SH3BP2: variants seen among roughly 807,000 people sequenced by gnomAD.
SH3BP2 encodes SH3 domain binding protein 2.
A neutral mutation model predicts 56.2 loss-of-function variants in SH3BP2; 38 were observed. The observed-to-expected ratio is 0.68, with a 90% CI of 0.52 to 0.89. SH3BP2 has a LOEUF of 0.89. Among genes scored for constraint, SH3BP2 ranks in the 40% least tolerant of loss-of-function variants. The pLI is 0.00. For missense variants in SH3BP2, 748 were observed against 762.6 expected (o/e 0.98, Z 0.23); for synonymous variants, 346 against 316.7 (o/e 1.09, Z -0.98).
In SH3BP2 at chr4:2,839,830, C is replaced by T. The variant is rs570387883; in HGVS notation, c.*5996C>T. 1.2e-4 allele frequency: 18 copies of T among 151,918 alleles called. No individual in the cohort carries two copies. Among genetic ancestry groups the T allele is most frequent in the African/African-American group, 4.3e-4 (18 of 41,392 alleles). The allele number at this position is 151,918 out of a possible 1,614,324, so 9.4% of individuals were successfully genotyped here. A position where few individuals can be genotyped will look rare whatever the true frequency, so the allele number is the denominator to read the frequency against. ...CCTCCCATCTTGACCTCCCAAAGTG[C>T]TGGGAGTACAGGCATGAGCCACTGT... On this transcript the variant is annotated 3_prime_UTR_variant, in exon 13 of 13. Coordinates refer to ENST00000503393, the MANE Select transcript of SH3BP2 (RefSeq NM_001122681.2).
chr4:2,798,649 G>C (rs1232421069), intron 1 of SH3BP2: 1 of 152,560 alleles, frequency 6.6e-6, no homozygotes, highest in Non-Finnish European at 1.5e-5. Flanking sequence ...TGGGCAGATA[G>C]TGCTGGGGCC....
intron 1 of SH3BP2, among the ~76,000 whole-genome samples, chr4:2,803,564 G>C (rs1334189958): frequency 1.3e-5 from 2 of 152,220 alleles, no homozygotes; most frequent in African/African-American, 4.8e-5. Context: ...AGGGACCAAG[G>C]CTGGGACTGG....
chr4:2,830,518 C>T (rs111420475), intron 8 of SH3BP2, among the ~76,000 whole-genome samples: 6,715 of 152,276 alleles, frequency 0.044, 161 homozygotes, highest in Non-Finnish European at 0.05. Flanking sequence ...CCTGCCAACA[C>T]GCCCGGCTAA....
intron 1 of SH3BP2, among the ~76,000 whole-genome samples, chr4:2,793,438 G>C (rs1353959183): frequency 2.6e-5 from 4 of 151,082 alleles, no homozygotes; most frequent in Non-Finnish European, 3.0e-5. Flanking sequence ...CGGGCCCCGG[G>C]GCCTCCGTGT....
rs564456756 is a variant in SH3BP2 at position 2,829,929 on chromosome 4, C to T, written c.1023C>T (p.Pro341=). ...AACTCAAGTCCTTCCACCTGTCCCC[C>T]CGAGGACCACCCACATCTGAGCCCC... is the stretch of plus-strand genomic sequence containing the variant. The part of the protein sequence containing the change: ...CDKLKSFHLS[P]RGPPTSEPPP... Residue 341 remains proline (P), a synonymous_variant, in exon 8 of 13, where the codon CCC becomes CCT. Transcript: ENST00000503393. The surrounding 1 kb of genome is among the most constrained non-coding windows in gnomAD (Gnocchi z 4.9). The T allele has an allele frequency of 2.5e-6, 4 of 1,613,722 alleles. No homozygotes were observed. The South Asian group carries it at 3.3e-5, about 13-fold the overall frequency.
At chr4:2,824,554 T>A in intron 3 of SH3BP2, 59 bp from the exon 4 acceptor site, 1 of 1,284,224 alleles carries the variant, frequency 7.8e-7, no homozygotes, top group Non-Finnish European at 1.1e-6. Context: ...GGGGGTGCTG[T>A]GGGAAGGCCA....
At chr4:2,828,297 C>A (rs538229085) in intron 7 of SH3BP2, among the ~76,000 whole-genome samples, 2 of 152,016 alleles carry the variant, frequency 1.3e-5, no homozygotes, top group Non-Finnish European at 2.9e-5. Flanking sequence ...TCCCTGCGTC[C>A]GCCCTGCCTC....
At chr4:2,812,349 C>G in intron 1 of SH3BP2, 1 of 1,550,162 alleles carries the variant, frequency 6.5e-7, no homozygotes, top group South Asian at 1.2e-5. Flanking sequence ...CGTCAGGCCT[C>G]ACATGTCTGG....
intron 1 of SH3BP2, among the ~76,000 whole-genome samples, chr4:2,817,652 G>A (rs1036560288): frequency 6.6e-6 from 1 of 152,218 alleles, no homozygotes; most frequent in Non-Finnish European, 1.5e-5. Flanking sequence ...GGACTCTCCT[G>A]GGTGAGGTGC....
chr4:2,802,406 G>A (rs914981197), intron 1 of SH3BP2, among the ~76,000 whole-genome samples: 6 of 81,194 alleles, frequency 7.4e-5, no homozygotes, highest in Admixed American at 4.7e-4. Context: ...AAAAATATAT[G>A]TGTGTGTGTG....
chr4:2,804,068 T>C (rs1723432147), intron 1 of SH3BP2, among the ~76,000 whole-genome samples: 1 of 152,074 alleles, frequency 6.6e-6, no homozygotes, highest in Non-Finnish European at 1.5e-5. Context: ...TCACCATGAC[T>C]CCAGCCGAGC....
At chr4:2,816,116 G>A (rs1052694034) in intron 1 of SH3BP2, among the ~76,000 whole-genome samples, 7 of 151,824 alleles carry the variant, frequency 4.6e-5, no homozygotes, top group Admixed American at 2.6e-4. Context: ...GTGCAATGGC[G>A]CAATCTCGGC....
At position 2,834,530 on chromosome 4, in the gene SH3BP2, T is replaced by G. The variant is rs1234460317; in HGVS notation, c.*696T>G. 1 of 152,374 alleles carries G rather than the reference T, an allele frequency of 6.6e-6. No homozygotes were observed. The highest frequency in any genetic ancestry group is 1.9e-4 in the East Asian group (1 of 5,172). 9.4% of individuals were successfully genotyped at this position (152,374 alleles called of 1,614,324 possible). On this transcript the variant is annotated 3_prime_UTR_variant, in exon 13 of 13. Transcript: ENST00000503393. Reference sequence around the variant, plus strand: ...CACTCACCAGTTCTGCTGCCTCAGGTCAGGCCAGGGCAGTGCTGCTGCAGA... The same window carrying G: ...CACTCACCAGTTCTGCTGCCTCAGGGCAGGCCAGGGCAGTGCTGCTGCAGA...
At position 2,829,485 on chromosome 4, in the gene SH3BP2, C is replaced by T. The variant is rs2108738340; in HGVS notation, c.587-8C>T. Reference sequence around the variant, plus strand: ...TCAGGGTCCAACCCGGGTCTCTTTGCTCTGCAGATGCCCTGATGCACCCAC... The same window carrying T: ...TCAGGGTCCAACCCGGGTCTCTTTGTTCTGCAGATGCCCTGATGCACCCAC... On this transcript the variant is annotated splice_polypyrimidine_tract_variant and splice_region_variant and intron_variant, in intron 7 of 12. Transcript: ENST00000503393. The surrounding 1 kb of genome is among the most constrained non-coding windows in gnomAD (Gnocchi z 4.9). 6.2e-7 allele frequency: 1 copy of T among 1,613,524 alleles called. No homozygotes were observed. Among genetic ancestry groups the T allele is most frequent in the Admixed American group, 1.7e-5 (1 of 60,008 alleles).
chr4:2,837,037 T>A lies in SH3BP2; in HGVS notation c.*3203T>A, dbSNP rs141689318. On this transcript the variant is annotated 3_prime_UTR_variant, in exon 13 of 13. Coordinates refer to ENST00000503393, the MANE Select transcript of SH3BP2 (RefSeq NM_001122681.2). ...GCCTTCAGTTAATAAAGATTTGTAT[T>A]GTGAAAAGATTTTTTCTTTTTTTTT... The A allele has an allele frequency of 6.6e-6, 1 of 151,976 alleles. No homozygotes were observed. The highest frequency in any genetic ancestry group is 1.5e-5 in the Non-Finnish European group (1 of 68,052). The allele number at this position is 151,976 out of a possible 1,614,324, so 9.4% of individuals were successfully genotyped here.
intron 1 of SH3BP2, among the ~76,000 whole-genome samples, chr4:2,811,076 C>A (rs1723729120): frequency 6.6e-6 from 1 of 152,234 alleles, no homozygotes; most frequent in African/African-American, 2.4e-5. Context: ...AAGCTCCTCA[C>A]CCTCTAGGAG....
intron 1 of SH3BP2, among the ~76,000 whole-genome samples, chr4:2,812,683 G>A (rs1302313100): frequency 6.6e-6 from 1 of 152,204 alleles, no homozygotes; most frequent in Non-Finnish European, 1.5e-5. Context: ...CGAGCTGGCA[G>A]GCACAGGGGG....
chr4:2,824,751 G>A lies in SH3BP2; in HGVS notation c.357+21G>A, dbSNP rs370858278. 102 of 1,556,744 alleles carry A rather than the reference G, an allele frequency of 6.6e-5. No individual in the cohort carries two copies. In the Middle Eastern group the frequency reaches 2.4e-3, roughly 36 times the overall value. On this transcript the variant is annotated intron_variant, in intron 4 of 12. Transcript: ENST00000503393. ...GCAAGGTGACTGGGGGTCCGAGGAC[G>A]AGTGCAAGGTGACTGGGGGTGTGGG...
In SH3BP2 at chr4:2,836,204, C is replaced by T. The variant is rs1725227251; in HGVS notation, c.*2370C>T. 1 of 152,352 alleles carries T rather than the reference C, an allele frequency of 6.6e-6. No individual in the cohort carries two copies. 9.4% of individuals were successfully genotyped at this position (152,352 alleles called of 1,614,324 possible). A position where few individuals can be genotyped will look rare whatever the true frequency, so the allele number is the denominator to read the frequency against. ...CTCCCAGACTCTGCACCTGCTAGCA[C>T]AGCTGTCCACGTCTGTGTGAGCTGC... On this transcript the variant is annotated 3_prime_UTR_variant, in exon 13 of 13. Transcript: ENST00000503393.
Sources: gnomAD v4.1 joint callset for allele counts (sites outside exome capture counted in the v4.1 genomes callset) on GRCh38, gnomAD v4.1.1 for gene constraint, Gnocchi (gnomAD v3.1) non-coding constraint, MANE v1.5 for transcripts, NCBI Gene and HGNC (gene_info 2026-07-23, HGNC 2026-07-21) for gene names.